LNP1: variants seen among roughly 807,000 people sequenced by gnomAD.
The protein encoded by LNP1 is leukemia NUP98 fusion partner 1.
LNP1 carries 12 observed loss-of-function variants against 14.5 expected under a neutral mutation model. That is an observed-to-expected ratio of 0.83 (90% CI 0.53 to 1.34). The LOEUF (loss-of-function observed/expected upper bound fraction) is 1.34. Among genes scored for constraint, LNP1 ranks in the 40% most tolerant of loss-of-function variants. LNP1 has a pLI of 0.00. For missense variants in LNP1, 198 were observed against 210.9 expected (o/e 0.94, Z 0.38); for synonymous variants, 75 against 71.4 (o/e 1.05, Z -0.26).
intron 2 of LNP1, among the ~76,000 whole-genome samples, chr3:100,431,990 GTTTATATATATATATATATATATATATA>G (rs1337867287): frequency 0.02 from 1,854 of 94,922 alleles, 114 homozygotes; most frequent in African/African-American, 0.033. Context: ...ATGAGACCTT[GTTTATATATATATATATATATATATATA>G]TATATATATA....
At chr3:100,413,561 C>T (rs1197579216) in intron 1 of LNP1, among the ~76,000 whole-genome samples, 1 of 152,218 alleles carries the variant, frequency 6.6e-6, no homozygotes, top group African/African-American at 2.4e-5. Flanking sequence ...CCATCTTCAT[C>T]AGTTTAGTTC....
chr3:100,427,167 A>C (rs763432781), intron 1 of LNP1, among the ~76,000 whole-genome samples: 1 of 151,916 alleles, frequency 6.6e-6, no homozygotes, highest in East Asian at 2.0e-4. Flanking sequence ...CTGACTTAAC[A>C]AAAACGTTAA....
Position 100,417,371 on chromosome 3 carries a change from C to CTTTTTTTTT in LNP1, c.-33-12312_-33-12304dup, listed in dbSNP as rs562000656. On this transcript the variant is annotated intron_variant, in intron 1 of 3. Coordinates refer to ENST00000383693, the MANE Select transcript of LNP1 (RefSeq NM_001085451.2). ...CTTTTTCTTTCTTTCTTTCTTTTTT[C>CTTTTTTTTT]TTTTTTTTTTTTTTTTTTTTTTCGA... 2.6e-3 allele frequency among the ~76,000 whole-genome samples: 171 copies of CTTTTTTTTT among 64,612 alleles called. 5 individuals are homozygous for CTTTTTTTTT. Among genetic ancestry groups the CTTTTTTTTT allele is most frequent in the African/African-American group, 3.6e-3 (63 of 17,424 alleles). 42.4% of individuals were successfully genotyped at this position (64,612 alleles called of 152,430 possible).
intron 1 of LNP1, among the ~76,000 whole-genome samples, chr3:100,409,975 CT>C (rs1051047382): frequency 1.3e-5 from 2 of 151,860 alleles, no homozygotes; most frequent in African/African-American, 4.8e-5. Flanking sequence ...ATCTATCTAT[CT>C]ATCTATCTAT....
intron 2 of LNP1, among the ~76,000 whole-genome samples, chr3:100,437,747 AACTT>A (rs1217099789): frequency 6.6e-6 from 1 of 152,212 alleles, no homozygotes; most frequent in Non-Finnish European, 1.5e-5. Context: ...TATTATTACT[AACTT>A]TATAATAGAA....
intron 2 of LNP1, among the ~76,000 whole-genome samples, chr3:100,436,923 T>A (rs9872028): frequency 0.014 from 2,156 of 152,246 alleles, 26 homozygotes; most frequent in African/African-American, 0.04. Context: ...CATATGCATT[T>A]AAAAAAGCAG....
At chr3:100,441,943 G>C (rs1182376963) in intron 2 of LNP1, among the ~76,000 whole-genome samples, 1 of 152,110 alleles carries the variant, frequency 6.6e-6, no homozygotes, top group African/African-American at 2.4e-5. Context: ...GGGATTACAG[G>C]CATGAGCCAC....
At chr3:100,444,686 A>T (rs1334297384) in intron 2 of LNP1, among the ~76,000 whole-genome samples, 1 of 152,234 alleles carries the variant, frequency 6.6e-6, no homozygotes, top group Admixed American at 6.5e-5. Flanking sequence ...AATAACTCAA[A>T]GGATTTTTTT....
intron 2 of LNP1, among the ~76,000 whole-genome samples, chr3:100,431,829 A>T (rs1305555289): frequency 2.9e-5 from 3 of 102,320 alleles, no homozygotes; most frequent in Non-Finnish European, 5.4e-5. Flanking sequence ...TCCGTCTCTC[A>T]AAAAAAAAAA....
intron 2 of LNP1, among the ~76,000 whole-genome samples, chr3:100,450,436 C>T (rs1414983621): frequency 6.6e-6 from 1 of 151,376 alleles, no homozygotes; most frequent in East Asian, 1.9e-4. Flanking sequence ...TGGGTTCAAG[C>T]GATTCTCCTG....
intron 1 of LNP1, among the ~76,000 whole-genome samples, chr3:100,405,029 T>A (rs189785173): frequency 1.5e-3 from 232 of 152,276 alleles, no homozygotes; most frequent in African/African-American, 4.5e-3. Flanking sequence ...TCTGACCTCG[T>A]GATCCGCCCG....
In LNP1 at chr3:100,455,902, CCT is replaced by C. The variant is rs1233365476; in HGVS notation, c.514_515del (p.Leu172ValfsTer2). On this transcript the variant is annotated frameshift_variant, in exon 4 of 4. Transcript: ENST00000383693. LOFTEE classifies it high-confidence loss of function. ...EEHGEAHMAPLFEKGPE is the reference protein window; with the variant it reads ...EEHGEAHMAPXFEKGPE ...AGCATGGAGAAGCACACATGGCTCC[CCT>C]GTTTGAAAAAGGGCCTGAATAATAC... is the stretch of plus-strand genomic sequence containing the variant. 1.2e-6 allele frequency: 2 copies of C among 1,611,106 alleles called. No homozygotes were observed. The highest frequency in any genetic ancestry group is 2.7e-5 in the African/African-American group (2 of 74,498).
chr3:100,423,848 C>G (rs566423950), intron 1 of LNP1, among the ~76,000 whole-genome samples: 1 of 152,270 alleles, frequency 6.6e-6, no homozygotes. Flanking sequence ...TGGTACGCAT[C>G]CCCAGCAGCA....
intron 2 of LNP1, among the ~76,000 whole-genome samples, chr3:100,432,364 T>TTAAAAA (rs1707251281): frequency 1.3e-5 from 2 of 152,040 alleles, no homozygotes; most frequent in Admixed American, 1.3e-4. Context: ...ACCACAGTGA[T>TTAAAAA]CAACATTAAT....
At chr3:100,410,529 T>C (rs1156257052) in intron 1 of LNP1, among the ~76,000 whole-genome samples, 1 of 152,062 alleles carries the variant, frequency 6.6e-6, no homozygotes, top group Non-Finnish European at 1.5e-5. Flanking sequence ...ACCCCTTGGG[T>C]CCTCCTTGCT....
At chr3:100,415,503 C>A (rs368708401) in intron 1 of LNP1, among the ~76,000 whole-genome samples, 1 of 152,198 alleles carries the variant, frequency 6.6e-6, no homozygotes, top group Admixed American at 6.5e-5. Flanking sequence ...GCAAGGATGT[C>A]AAAAAATGGA....
At chr3:100,422,803 CTTTTTTTTTTTTTTT>C (rs557593118) in intron 1 of LNP1, among the ~76,000 whole-genome samples, 3 of 69,054 alleles carry the variant, frequency 4.3e-5, no homozygotes, top group East Asian at 1.1e-3. Context: ...TTTGTCTCCT[CTTTTTTTTTTTTTTT>C]TTTTTTTTTT....
intron 1 of LNP1, among the ~76,000 whole-genome samples, chr3:100,426,839 T>C (rs1707197735): frequency 6.6e-6 from 1 of 152,128 alleles, no homozygotes; most frequent in Non-Finnish European, 1.5e-5. Context: ...TCTTATAGAG[T>C]AGCTTTCCCT....
intron 1 of LNP1, among the ~76,000 whole-genome samples, chr3:100,411,329 TTC>T (rs1049926547): frequency 6.6e-6 from 1 of 152,242 alleles, no homozygotes; most frequent in African/African-American, 2.4e-5. Flanking sequence ...CACACTTCAG[TTC>T]TCTCCCATAC....
Sources: gnomAD v4.1 joint callset for allele counts (sites outside exome capture counted in the v4.1 genomes callset) on GRCh38, gnomAD v4.1.1 for gene constraint, MANE v1.5 for transcripts, NCBI Gene and HGNC (gene_info 2026-07-23, HGNC 2026-07-21) for gene names.